Variants in ZNF594 observed in about 807,000 individuals in gnomAD.
The protein encoded by ZNF594 is zinc finger protein 594.
For synonymous variants in ZNF594, 336 were observed against 309.4 expected, an observed-to-expected ratio of 1.09 and a Z score of -0.90; for missense variants, 1,037 against 964.6, an observed-to-expected ratio of 1.08 and a Z score of -0.99.
chr17:5,182,918 G>C lies in ZNF594; in HGVS notation c.1339C>G (p.Leu447Val). The C allele has an allele frequency of 6.2e-7, 1 of 1,614,066 alleles. No individual in the cohort carries two copies. Among genetic ancestry groups the C allele is most frequent in the South Asian group, 1.1e-5 (1 of 91,074 alleles). The change falls in exon 2 of 2, where the codon CTT becomes GTT. Residue 447 changes from leucine to valine, a missense_variant. Coordinates refer to ENST00000575779, the MANE Select transcript of ZNF594 (RefSeq NM_032530.2). The part of the protein sequence containing the change: ...CGKSFRGSSD[L>V]IRHHRVHTGE... ...GTATGAACACGATGGTGTCTAATAAGATCTGAGCTGCCCCTAAAAGATTTC... is the reference window on the plus strand; with the variant it reads ...GTATGAACACGATGGTGTCTAATAACATCTGAGCTGCCCCTAAAAGATTTC...
intron 1 of ZNF594, among the ~76,000 whole-genome samples, chr17:5,189,505 C>G (rs777590417): frequency 1.5e-4 from 23 of 150,412 alleles, no homozygotes; most frequent in Admixed American, 1.3e-3. Context: ...TCCCAAAGTG[C>G]TAGCATTACA....
Position 5,183,189 on chromosome 17 carries a change from G to A in ZNF594, c.1068C>T (p.Thr356=). Reference sequence around the variant, plus strand: ...CCCTAAGCTCCTCATCCTTGCTGAAGGTTTTCTCACATTCTTCAATTTTCT... The same window carrying A: ...CCCTAAGCTCCTCATCCTTGCTGAAAGTTTTCTCACATTCTTCAATTTTCT... The part of the protein sequence containing the change: ...AGEKIEECEK[T]FSKDEELREE... Residue 356 remains threonine, a synonymous_variant, in exon 2 of 2, where the codon ACC becomes ACT. Transcript: ENST00000575779. 4 of 1,614,006 alleles carry A rather than the reference G, an allele frequency of 2.5e-6. No individual in the cohort carries two copies. The highest frequency in any genetic ancestry group is 3.4e-6 in the Non-Finnish European group (4 of 1,179,996).
At position 5,183,780 on chromosome 17, in the gene ZNF594, T is replaced by A; in HGVS notation, c.477A>T (p.Glu159Asp). ...AACTTTGATTAGAGTCTTTCCCACA[T>A]TCATTACACACATATGGCTTATTTC... ...HTGNKPYVCNECGKDSNQSSN... is the reference protein window; with the variant it reads ...HTGNKPYVCNDCGKDSNQSSN... The change falls in exon 2 of 2, where the codon GAA becomes GAT. Residue 159 changes from glutamate (E) to aspartate (D), a missense_variant. Glu to Asp is a conservative substitution (Grantham distance 45). Transcript: ENST00000575779. The A allele has an allele frequency of 6.2e-7, 1 of 1,613,422 alleles. No individual in the cohort carries two copies. The highest frequency in any genetic ancestry group is 1.1e-5 in the South Asian group (1 of 91,058).
chr17:5,184,758 T>C (rs1344683612), intron 1 of ZNF594, among the ~76,000 whole-genome samples: 1 of 152,202 alleles, frequency 6.6e-6, no homozygotes, highest in East Asian at 1.9e-4. Flanking sequence ...GGAAGTTAGT[T>C]TCTCTTCCCA....
At position 5,183,085 on chromosome 17, in the gene ZNF594, A is replaced by G. The variant is rs2074358423; in HGVS notation, c.1172T>C (p.Leu391Pro). The G allele has an allele frequency of 1.2e-6, 2 of 1,614,044 alleles. No homozygotes were observed. Among genetic ancestry groups the G allele is most frequent in the Non-Finnish European group, 8.5e-7 (1 of 1,180,004 alleles). The change falls in exon 2 of 2, where the codon CTC becomes CCC. Residue 391 changes from leucine (L) to proline (P), a missense_variant. Physicochemically the swap from Leu to Pro is moderately conservative, Grantham distance 98 (BLOSUM62 -3). Coordinates refer to ENST00000575779, the MANE Select transcript of ZNF594 (RefSeq NM_032530.2). Reference sequence around the variant, plus strand: ...TGTATGAGTTACCTGATGTCTGATGAGGTCTGAGGTGCCCTGGAAATTCCT... The same window carrying G: ...TGTATGAGTTACCTGATGTCTGATGGGGTCTGAGGTGCCCTGGAAATTCCT... ...CGRNFQGTSD[L>P]IRHQVTHTGE...
chr17:5,177,736 T>C (rs2074315752), downstream of ZNF594, among the ~76,000 whole-genome samples: 1 of 152,104 alleles, frequency 6.6e-6, no homozygotes, highest in Non-Finnish European at 1.5e-5. Flanking sequence ...CTCAGGAGGC[T>C]GAGGCTGGAG....
Position 5,181,834 on chromosome 17 carries a change from TATG to T in ZNF594, c.2420_2422del (p.Ser807del), listed in dbSNP as rs751554599. 6.2e-6 allele frequency: 10 copies of T among 1,614,008 alleles called. No homozygotes were observed. Among genetic ancestry groups the T allele is most frequent in the East Asian group, 2.2e-5 (1 of 44,868 alleles). ...TAAGGTTTTTCTCCACTGTGAATTC[TATG>T]ATGTCTCAGAAGGTCTGAGCTCTGA... On this transcript the variant is annotated inframe_deletion, in exon 2 of 2. Coordinates refer to ENST00000575779, the MANE Select transcript of ZNF594 (RefSeq NM_032530.2).
At chr17:5,187,781 C>A (rs1343632480) in intron 1 of ZNF594, among the ~76,000 whole-genome samples, 1 of 151,904 alleles carries the variant, frequency 6.6e-6, no homozygotes, top group Non-Finnish European at 1.5e-5. Context: ...GCTTTGCATA[C>A]AGAAAGCACT....
downstream of ZNF594, among the ~76,000 whole-genome samples, chr17:5,176,557 T>C (rs2074309392): frequency 6.6e-6 from 1 of 151,796 alleles, no homozygotes; most frequent in Non-Finnish European, 1.5e-5. Flanking sequence ...TCTTTTTTTT[T>C]TTTTAAATAG....
At chr17:5,178,339 C>T (rs557111672), downstream of ZNF594, among the ~76,000 whole-genome samples, 10 of 152,102 alleles carry the variant, frequency 6.6e-5, no homozygotes, top group Non-Finnish European at 1.2e-4. Flanking sequence ...TGATTATTTA[C>T]AGTATATGTA....
rs1474535690 is a variant in ZNF594, at chr17:5,183,140, C to T, written c.1117G>A (p.Glu373Lys). 3.7e-6 allele frequency: 6 copies of T among 1,614,166 alleles called. No individual in the cohort carries two copies. The Admixed American group carries it at 6.7e-5, about 18-fold the overall frequency. ...LREEQRIHQE[E>K]KAYWCNQCGR... ...CACTGATTACACCAATAAGCTTTCT[C>T]TTCCTGGTGAATTCTCTGCTCTTCC... Residue 373 changes from glutamate (E) to lysine (K), a missense_variant, in exon 2 of 2, where the codon GAG becomes AAG. By Grantham distance (56) the Glu-to-Lys change is moderately conservative. Coordinates refer to ENST00000575779, the MANE Select transcript of ZNF594 (RefSeq NM_032530.2).
rs746302584 is a variant in ZNF594, at chr17:5,182,949, T to C, written c.1308A>G (p.Lys436=). ...AGCTGCCCCTAAAAGATTTCCCACA[T>C]TTGCTACATACACAAGGTTTTTCTC... ...HSGEKPCVCS[K]CGKSFRGSSD... The change falls in exon 2 of 2, where the codon AAA becomes AAG. Residue 436 remains lysine, a synonymous_variant. Coordinates refer to ENST00000575779, the MANE Select transcript of ZNF594 (RefSeq NM_032530.2). The C allele has an allele frequency of 3.7e-6, 6 of 1,613,964 alleles. No homozygotes were observed. The South Asian group carries it at 5.5e-5, about 15-fold the overall frequency.
rs1462968547 is a variant in ZNF594 at position 5,182,371 on chromosome 17, C to T, written c.1886G>A (p.Cys629Tyr). ...TGAGCTACCCCTAAAAGATTTCCCA[C>T]ATTTGTTGCATACATAAGGTTTTTC... ...SGEKPYVCNKCGKSFRGSSDL... is the reference protein window; with the variant it reads ...SGEKPYVCNKYGKSFRGSSDL... Residue 629 changes from cysteine to tyrosine, a missense_variant, in exon 2 of 2, where the codon TGT (cysteine) becomes TAT (tyrosine). Physicochemically the swap from Cys to Tyr is radical, Grantham distance 194 (BLOSUM62 -2). Transcript: ENST00000575779. 7 of 1,613,544 alleles carry T rather than the reference C, an allele frequency of 4.3e-6. 1 individual carries two copies. Among genetic ancestry groups the T allele is most frequent in the Non-Finnish European group, 8.5e-7 (1 of 1,180,008 alleles).
rs775728626 is a variant in ZNF594, at chr17:5,182,406, A to G, written c.1851T>C (p.Ile617=). 6 of 1,613,482 alleles carry G rather than the reference A, an allele frequency of 3.7e-6. No homozygotes were observed. The South Asian group carries it at 5.5e-5, about 15-fold the overall frequency. The change falls in exon 2 of 2, where the codon ATT becomes ATC. Residue 617 remains isoleucine (I), a synonymous_variant. Transcript: ENST00000575779. ...ATACATAAGGTTTTTCTCCACTGTG[A>G]ATTCTATGATGTCTCAGAAGGTCTG... ...QSSDLLRHHR[I]HSGEKPYVCN... is the part of the protein sequence containing the mutation.
rs768931854 is a variant in ZNF594, at chr17:5,180,974, G to A, written c.*859C>T. ...TAGGTCCTGTTTGTAGACTCTTACA[G>A]TCTTCAAATTCCTTTCCAATGTGAA... On this transcript the variant is annotated 3_prime_UTR_variant, in exon 2 of 2. Coordinates refer to ENST00000575779, the MANE Select transcript of ZNF594 (RefSeq NM_032530.2). The A allele has an allele frequency of 2.1e-5, 15 of 714,726 alleles. No individual in the cohort carries two copies. The African/African-American group carries it at 2.4e-4, about 12-fold the overall frequency. The allele number at this position is 714,726 out of a possible 1,614,324, so 44.3% of individuals were successfully genotyped here.
rs558345314 is a variant in ZNF594 at position 5,182,222 on chromosome 17, G to A, written c.2035C>T (p.Pro679Ser). ...THQKIHTGEK[P>S]YQCSECGNAF... is the part of the protein sequence containing the mutation. Reference sequence around the variant, plus strand: ...TTCCCACATTCACTGCACTGATAGGGTTTCTCTCCAGTATGGATTTTCTGG... The same window carrying A: ...TTCCCACATTCACTGCACTGATAGGATTTCTCTCCAGTATGGATTTTCTGG... The change falls in exon 2 of 2, where the codon CCC (proline) becomes TCC (serine). Residue 679 changes from proline (P) to serine (S), a missense_variant. Physicochemically the swap from Pro to Ser is moderately conservative, Grantham distance 74. Coordinates refer to ENST00000575779, the MANE Select transcript of ZNF594 (RefSeq NM_032530.2). The A allele has an allele frequency of 3.1e-6, 5 of 1,613,360 alleles. No individual in the cohort carries two copies. In the South Asian group the frequency reaches 3.3e-5, roughly 11 times the overall value.
rs201896440 is a variant in ZNF594, at chr17:5,183,390, G to A, written c.867C>T (p.His289=). The A allele has an allele frequency of 1.8e-4, 298 of 1,613,748 alleles. 1 individual carries two copies. The South Asian group carries it at 2.6e-3, about 14-fold the overall frequency. The change falls in exon 2 of 2, where the codon CAC becomes CAT. Residue 289 remains histidine (H), a synonymous_variant. Coordinates refer to ENST00000575779, the MANE Select transcript of ZNF594 (RefSeq NM_032530.2). The part of the protein sequence containing the change: ...SSHLVPHQRI[H]TGEKPLKCNE... ...TACATTTGAGGGGTTTCTCTCCAGT[G>A]TGAATTCTCTGATGTGGGACAAGGT...
rs1387966259 is a variant in ZNF594, at chr17:5,181,653, CCA to C, written c.*178_*179del. 6.3e-7 allele frequency: 1 copy of C among 1,582,560 alleles called. No homozygotes were observed. The highest frequency in any genetic ancestry group is 8.7e-7 in the Non-Finnish European group (1 of 1,151,446). On this transcript the variant is annotated 3_prime_UTR_variant, in exon 2 of 2. Coordinates refer to ENST00000575779, the MANE Select transcript of ZNF594 (RefSeq NM_032530.2). ...TTCAGTGCACTGATAGGGCTTCTCT[CCA>C]GTGTGGATTTTCTGGTGTGTGACAA... is the stretch of plus-strand genomic sequence containing the variant.
chr17:5,189,224 G>A (rs985058700), intron 1 of ZNF594, among the ~76,000 whole-genome samples: 2 of 150,632 alleles, frequency 1.3e-5, no homozygotes, highest in African/African-American at 2.4e-5. Flanking sequence ...GGGGTTATAG[G>A]TGTGAGCCAC....
Sources: gnomAD v4.1 joint callset for allele counts (sites outside exome capture counted in the v4.1 genomes callset) on GRCh38, gnomAD v4.1.1 for gene constraint, MANE v1.5 for transcripts, NCBI Gene and HGNC (gene_info 2026-07-23, HGNC 2026-07-21) for gene names.